The following CDK14 variants were observed in gnomAD, a reference collection of about 807,000 sequenced individuals.
CDK14 encodes cyclin-dependent kinase 14.
CDK14 carries 34 observed loss-of-function variants against 60.7 expected under a neutral mutation model. The ratio of observed to expected loss-of-function variants is 0.56; its 90% CI spans 0.43 to 0.75. CDK14 has a LOEUF of 0.75. CDK14 is among the 30% of genes least tolerant of loss of function. The pLI, the probability that CDK14 is intolerant of heterozygous loss-of-function variation, is 0.00. For synonymous variants in CDK14, 197 were observed against 203.7 expected, an observed-to-expected ratio of 0.97 and a Z score of 0.28; for missense variants, 482 against 564.1, an observed-to-expected ratio of 0.85 and a Z score of 1.47.
At position 90,670,514 on chromosome 7, in the gene CDK14, GCT is replaced by G. The variant is rs1801074802; in HGVS notation, c.124-56051_124-56050del. ...TTTATAAAGAAAAGAGGTTTAATTG[GCT>G]CACGATTTTGCAGGCTGTATGAGCA... On this transcript the variant is annotated intron_variant, in intron 2 of 14. Coordinates refer to ENST00000380050, the MANE Select transcript of CDK14 (RefSeq NM_001287135.2). Among the ~76,000 whole-genome samples the G allele has an allele frequency of 2.6e-5, 4 of 152,240 alleles. No individual in the cohort carries two copies. In the South Asian group the frequency reaches 8.3e-4, roughly 32 times the overall value.
chr7:91,190,899 A>G (rs1379854730), intron 14 of CDK14, among the ~76,000 whole-genome samples: 1 of 152,162 alleles, frequency 6.6e-6, no homozygotes, highest in East Asian at 1.9e-4. Flanking sequence ...AGAGGAACAT[A>G]GCTTGAAAAC....
chr7:90,681,237 A>G (rs937766001), intron 2 of CDK14, among the ~76,000 whole-genome samples: 1 of 152,176 alleles, frequency 6.6e-6, no homozygotes, highest in African/African-American at 2.4e-5. Context: ...TTGTTGGTCT[A>G]TTGGAAAACA....
chr7:90,709,562 C>T, intron 2 of CDK14: 1 of 1,613,214 alleles, frequency 6.2e-7, no homozygotes. Context: ...ACTTTGGCTG[C>T]AATGCTGCTG....
At chr7:90,784,788 G>A (rs1054985124) in intron 4 of CDK14, among the ~76,000 whole-genome samples, 3 of 152,108 alleles carry the variant, frequency 2.0e-5, no homozygotes, top group African/African-American at 4.8e-5. Context: ...AATCAGAATT[G>A]AATTTAGATG....
At chr7:91,072,761 A>G (rs1798191213) in intron 11 of CDK14, among the ~76,000 whole-genome samples, 1 of 152,154 alleles carries the variant, frequency 6.6e-6, no homozygotes, top group Admixed American at 6.6e-5. Context: ...CAAAGAAGCT[A>G]AGAACCTTGA....
intron 6 of CDK14, among the ~76,000 whole-genome samples, chr7:90,898,229 A>G (rs1463810343): frequency 6.6e-6 from 1 of 151,990 alleles, no homozygotes; most frequent in Non-Finnish European, 1.5e-5. Flanking sequence ...TTCCATTTGC[A>G]TCTGTTTCAT....
At chr7:90,629,119 C>G (rs1799938281) in intron 2 of CDK14, among the ~76,000 whole-genome samples, 2 of 152,082 alleles carry the variant, frequency 1.3e-5, no homozygotes, top group African/African-American at 4.8e-5. Context: ...ATTACTGCCT[C>G]TTGCTACTAC....
At chr7:90,799,467 C>A (rs1017512079) in intron 5 of CDK14, among the ~76,000 whole-genome samples, 1 of 151,970 alleles carries the variant, frequency 6.6e-6, no homozygotes, top group Non-Finnish European at 1.5e-5. Flanking sequence ...GCAGGCGGAT[C>A]ACCTGAGGTC....
intron 14 of CDK14, among the ~76,000 whole-genome samples, chr7:91,187,790 G>A (rs1012496172): frequency 6.6e-6 from 1 of 152,172 alleles, no homozygotes; most frequent in African/African-American, 2.4e-5. Context: ...AGATTGGTTC[G>A]ACCAAGTGTG....
chr7:91,048,140 C>A (rs1797293242), intron 11 of CDK14, among the ~76,000 whole-genome samples: 1 of 152,108 alleles, frequency 6.6e-6, no homozygotes, highest in Non-Finnish European at 1.5e-5. Flanking sequence ...TAGTGCAGAG[C>A]CACCTCCCCT....
chr7:91,064,780 T>C (rs1213223620), intron 11 of CDK14, among the ~76,000 whole-genome samples: 1 of 152,160 alleles, frequency 6.6e-6, no homozygotes, highest in Non-Finnish European at 1.5e-5. Flanking sequence ...GATGGGGGAT[T>C]TGGAAGGGGA....
intron 14 of CDK14, among the ~76,000 whole-genome samples, chr7:91,140,199 T>C (rs919055918): frequency 6.6e-6 from 1 of 152,200 alleles, no homozygotes; most frequent in Non-Finnish European, 1.5e-5. Flanking sequence ...AGACAATCTC[T>C]TTAATAGAAA....
intron 5 of CDK14, among the ~76,000 whole-genome samples, chr7:90,803,241 TTGAG>T (rs1788709238): frequency 6.6e-6 from 1 of 152,068 alleles, no homozygotes; most frequent in Non-Finnish European, 1.5e-5. Flanking sequence ...ATTGTGGGGA[TTGAG>T]TAAGAGACAG....
chr7:90,609,903 T>C (rs951858098), intron 2 of CDK14, among the ~76,000 whole-genome samples: 2 of 152,230 alleles, frequency 1.3e-5, no homozygotes, highest in African/African-American at 2.4e-5. Flanking sequence ...ATGTATACGC[T>C]GTCATACAAC....
chr7:90,657,247 C>A (rs1184727018), intron 2 of CDK14, among the ~76,000 whole-genome samples: 1 of 152,150 alleles, frequency 6.6e-6, no homozygotes, highest in Non-Finnish European at 1.5e-5. Flanking sequence ...TAGCCCAAAT[C>A]ATTCACTGTG....
intron 4 of CDK14, among the ~76,000 whole-genome samples, chr7:90,768,805 A>T (rs1804670352): frequency 6.6e-6 from 1 of 152,212 alleles, no homozygotes; most frequent in East Asian, 1.9e-4. Flanking sequence ...AATAAATGAT[A>T]TGTTTCCTTT....
intron 2 of CDK14, among the ~76,000 whole-genome samples, chr7:90,670,650 AAG>A (rs140411424): frequency 0.14 from 21,760 of 151,964 alleles, 1,682 homozygotes; most frequent in African/African-American, 0.2. Context: ...GAGCAGGAGC[AAG>A]AGAGAGTGAT....
chr7:90,622,667 G>A (rs1799795338), intron 2 of CDK14, among the ~76,000 whole-genome samples: 1 of 152,180 alleles, frequency 6.6e-6, no homozygotes, highest in Non-Finnish European at 1.5e-5. Flanking sequence ...GAAGGGTGAA[G>A]CAATATCTAC....
intron 5 of CDK14, among the ~76,000 whole-genome samples, chr7:90,828,292 G>A (rs1789793381): frequency 6.6e-6 from 1 of 152,282 alleles, no homozygotes; most frequent in African/African-American, 2.4e-5. Flanking sequence ...TCTGCCATGT[G>A]GACCCAGCAG....
Sources: gnomAD v4.1 joint callset for allele counts (sites outside exome capture counted in the v4.1 genomes callset) on GRCh38, gnomAD v4.1.1 for gene constraint, MANE v1.5 for transcripts, NCBI Gene and HGNC (gene_info 2026-07-23, HGNC 2026-07-21) for gene names.